The following ERBB4 variants were observed in gnomAD, a reference collection of about 807,000 sequenced individuals.
The protein encoded by ERBB4 is receptor tyrosine-protein kinase erbB-4.
Under a neutral mutation model 158.0 loss-of-function variants are expected in ERBB4, and 42 were observed. The ratio of observed to expected loss-of-function variants is 0.27; its 90% confidence interval spans 0.21 to 0.34. The LOEUF is 0.34. ERBB4 is among the 10% of genes least tolerant of loss of function. The pLI is 1.00. For missense variants in ERBB4, 1,333 were observed against 1,624.1 expected (o/e 0.82, Z 3.08); for synonymous variants, 583 against 558.7 (o/e 1.04, Z -0.61).
intron 1 of ERBB4, among the ~76,000 whole-genome samples, chr2:212,526,260 C>A (rs569998381): frequency 2.6e-5 from 4 of 152,110 alleles, no homozygotes; most frequent in East Asian, 1.9e-4. Context: ...ACATGCCATT[C>A]TATTTGTCTT....
At chr2:211,613,189 T>C (rs1354065326) in intron 19 of ERBB4, among the ~76,000 whole-genome samples, 2 of 152,062 alleles carry the variant, frequency 1.3e-5, no homozygotes, top group African/African-American at 4.8e-5. Flanking sequence ...TCTAGAACTT[T>C]GCATTGAGAT....
intron 2 of ERBB4, among the ~76,000 whole-genome samples, chr2:212,033,360 A>C (rs933294523): frequency 6.6e-6 from 1 of 151,956 alleles, no homozygotes; most frequent in Non-Finnish European, 1.5e-5. Flanking sequence ...TATTTTATTA[A>C]ATTTTGTAAT....
chr2:211,956,205 C>T (rs1227550359), intron 2 of ERBB4, among the ~76,000 whole-genome samples: 1 of 151,864 alleles, frequency 6.6e-6, no homozygotes, highest in Non-Finnish European at 1.5e-5. Flanking sequence ...CATTAAGCTC[C>T]AATGACTTGG....
chr2:212,421,300 T>TTAGCCAATG (rs79804929), intron 1 of ERBB4, among the ~76,000 whole-genome samples: 25,210 of 152,064 alleles, frequency 0.17, 2,381 homozygotes, highest in Non-Finnish European at 0.22. Context: ...TTGAAACTCA[T>TTAGCCAATG]TGGTTTGTAT....
At chr2:211,816,220 G>GTTACTTTTAATAA (rs1559543617) in intron 3 of ERBB4, among the ~76,000 whole-genome samples, 8 of 152,074 alleles carry the variant, frequency 5.3e-5, no homozygotes, top group African/African-American at 1.7e-4. Context: ...AGTATATTTA[G>GTTACTTTTAATAA]CTGTTAATAA....
At chr2:211,507,749 G>C (rs1473156327) in intron 20 of ERBB4, among the ~76,000 whole-genome samples, 1 of 152,110 alleles carries the variant, frequency 6.6e-6, no homozygotes, top group Admixed American at 6.5e-5. Context: ...TAAGGCTACA[G>C]TAACCAAAAC....
intron 20 of ERBB4, among the ~76,000 whole-genome samples, chr2:211,548,799 C>T (rs909292161): frequency 1.3e-5 from 2 of 152,092 alleles, no homozygotes; most frequent in Non-Finnish European, 2.9e-5. Flanking sequence ...CCTGTCTACA[C>T]CCTTCTGCTG....
chr2:211,642,437 T>C (rs1001289196), intron 16 of ERBB4, among the ~76,000 whole-genome samples: 4 of 152,186 alleles, frequency 2.6e-5, no homozygotes, highest in South Asian at 2.1e-4. Flanking sequence ...ATTTGCTCCG[T>C]GTTACCCTGA....
intron 3 of ERBB4, among the ~76,000 whole-genome samples, chr2:211,928,886 G>C (rs16847213): frequency 0.018 from 2,804 of 152,238 alleles, 100 homozygotes; most frequent in African/African-American, 0.064. Flanking sequence ...CAATGAGCTA[G>C]GTGTAAGTTT....
intron 16 of ERBB4, among the ~76,000 whole-genome samples, chr2:211,653,899 C>T (rs886685142): frequency 2.0e-5 from 3 of 152,016 alleles, no homozygotes; most frequent in East Asian, 3.9e-4. Context: ...TTGTCTCGTT[C>T]GCCTGACCTT....
chr2:211,802,984 G>T (rs1458230103), intron 3 of ERBB4, among the ~76,000 whole-genome samples: 1 of 152,054 alleles, frequency 6.6e-6, no homozygotes, highest in Admixed American at 6.5e-5. Flanking sequence ...AATAAGATGC[G>T]ATCCAAAAGT....
chr2:211,894,437 G>A (rs552197881), intron 3 of ERBB4, among the ~76,000 whole-genome samples: 142 of 142,746 alleles, frequency 9.9e-4, no homozygotes, highest in African/African-American at 3.7e-3. Flanking sequence ...GTGAGGGATA[G>A]CATTGGGAGA....
intron 2 of ERBB4, among the ~76,000 whole-genome samples, chr2:212,084,993 T>C (rs897209227): frequency 3.3e-5 from 5 of 151,960 alleles, no homozygotes; most frequent in Non-Finnish European, 7.4e-5. Flanking sequence ...ATTTATAAAA[T>C]TGCTGAAGTG....
chr2:212,004,545 A>T (rs1321837037), intron 2 of ERBB4, among the ~76,000 whole-genome samples: 3 of 152,266 alleles, frequency 2.0e-5, no homozygotes, highest in East Asian at 1.9e-4. Flanking sequence ...CTAGGGAATG[A>T]TTTCTAAGCC....
intron 3 of ERBB4, among the ~76,000 whole-genome samples, chr2:211,799,812 T>C (rs1011119279): frequency 1.3e-5 from 2 of 152,166 alleles, no homozygotes; most frequent in Non-Finnish European, 2.9e-5. Context: ...AGAAGAGTTC[T>C]CTGATAAGCA....
intron 3 of ERBB4, among the ~76,000 whole-genome samples, chr2:211,870,611 T>C (rs1193135267): frequency 6.6e-6 from 1 of 152,140 alleles, no homozygotes; most frequent in African/African-American, 2.4e-5. Context: ...TGTGGTAATA[T>C]AACAACCTTG....
At chr2:212,147,186 T>TTTTTTTTG (rs2080709099) in intron 1 of ERBB4, among the ~76,000 whole-genome samples, 8 of 138,574 alleles carry the variant, frequency 5.8e-5, no homozygotes, top group Non-Finnish European at 1.1e-4. Context: ...TTTTTTTTTT[T>TTTTTTTTG]GTAGAGATGG....
intron 1 of ERBB4, among the ~76,000 whole-genome samples, chr2:212,418,931 A>G (rs905991025): frequency 6.6e-6 from 1 of 151,954 alleles, no homozygotes. Context: ...AGTTTATTAA[A>G]TACTGAATTT....
chr2:212,160,737 A>C (rs2081179367), intron 1 of ERBB4, among the ~76,000 whole-genome samples: 2 of 151,950 alleles, frequency 1.3e-5, no homozygotes, highest in South Asian at 4.1e-4. Flanking sequence ...GAATTCTGTT[A>C]ATCAAATTAC....
Sources: allele counts gnomAD v4.1 joint callset (sites outside exome capture counted in the v4.1 genomes callset), GRCh38; gene constraint gnomAD v4.1.1; transcripts MANE v1.5; gene names NCBI Gene and HGNC (gene_info 2026-07-23, HGNC 2026-07-21).